The following RCOR2 variants were observed in gnomAD, a reference collection of about 807,000 sequenced individuals.
RCOR2 encodes REST corepressor 2.
In RCOR2, 19 loss-of-function variants were observed where a neutral mutation model predicts 58.9. The observed-to-expected ratio is 0.32, with a 90% confidence interval of 0.23 to 0.47. RCOR2 has a LOEUF of 0.47. RCOR2 is among the 20% of genes least tolerant of loss of function. The probability of loss-of-function intolerance (pLI) is 1.00; values close to 1 mark genes in which losing one functional copy is unlikely to be tolerated. For synonymous variants in RCOR2, 286 were observed against 278.7 expected, an observed-to-expected ratio of 1.03 and a Z score of -0.26; for missense variants, 590 against 707.9, an observed-to-expected ratio of 0.83 and a Z score of 1.89.
At chr11:63,923,269 G>A in the RCOR2 span, among the ~76,000 whole-genome samples, 1 of 151,184 alleles carries the variant, frequency 6.6e-6, no homozygotes, top group African/African-American at 2.4e-5. Flanking sequence ...CTCATCACAT[G>A]AACCTGCTTA....
rs1443385988 is a variant in RCOR2 at position 63,914,040 on chromosome 11, C to T, written c.805G>A (p.Gly269Ser). 6.2e-7 allele frequency: 1 copy of T among 1,613,708 alleles called. No individual in the cohort carries two copies. The highest frequency in any genetic ancestry group is 8.5e-7 in the Non-Finnish European group (1 of 1,179,980). The change falls in exon 8 of 12, where the codon GGC becomes AGC. Residue 269 changes from glycine (G) to serine (S), a missense_variant. By Grantham distance (56) the Gly-to-Ser change is moderately conservative. Around this residue, in one of 3 missense-constraint regions of RCOR2, gnomAD observed 390 missense variants for 478.7 expected, o/e 0.81. Coordinates refer to ENST00000301459, the MANE Select transcript of RCOR2 (RefSeq NM_173587.4). The stretch of plus-strand genomic sequence containing the variant: ...GGGCTTCCTGACACTGCCGTGAGGC[C>T]TTCAGGGCTCAGGTACATGCCCTTG... ...PPKGMYLSPE[G>S]LTAVSGSPDL...
intron 8 of RCOR2, among the ~76,000 whole-genome samples, chr11:63,913,514 ACT>A (rs1487250928): frequency 8.3e-5 from 5 of 60,024 alleles, no homozygotes; most frequent in Non-Finnish European, 1.7e-4. Context: ...ACGGAATCTC[ACT>A]CTGTCGCCCA....
chr11:63,912,044 G>A lies in RCOR2; in HGVS notation c.1393C>T (p.Arg465Ter), dbSNP rs1336274625. The change falls in exon 12 of 12, where the codon CGA becomes TGA. Residue 465 changes from arginine (R) to a stop codon, truncating the protein, a stop_gained. Transcript: ENST00000301459. LOFTEE classifies it high-confidence loss of function. ...PPLPTAPTLL[R>*]QPPPLQQGRF... ...CCCTGCTGCAGTGGGGGTGGCTGTC[G>A]GAGCAGAGTGGGAGCCGTGGGCAAA... is the stretch of plus-strand genomic sequence containing the variant. The A allele has an allele frequency of 3.4e-6, 5 of 1,483,880 alleles. No homozygotes were observed. Among genetic ancestry groups the A allele is most frequent in the Non-Finnish European group, 4.4e-6 (5 of 1,123,786 alleles). 91.9% of individuals were successfully genotyped at this position (1,483,880 alleles called of 1,614,324 possible). A position where few individuals can be genotyped will look rare whatever the true frequency, so the allele number is the denominator to read the frequency against.
chr11:63,923,306 AC>A, the RCOR2 span, among the ~76,000 whole-genome samples: 1 of 146,210 alleles, frequency 6.8e-6, no homozygotes, highest in Non-Finnish European at 1.5e-5. Context: ...ACACACACAC[AC>A]CCCTGCACCT....
At position 63,912,298 on chromosome 11, in the gene RCOR2, T is replaced by A. The variant is rs747861779; in HGVS notation, c.1257+7A>T. ...TCTCTGAGGGGTTTCTCTCACCCCC[T>A]TCTCACCTCATCATCTTCCTCTAGG... On this transcript the variant is annotated splice_region_variant and intron_variant, in intron 11 of 11. Coordinates refer to ENST00000301459, the MANE Select transcript of RCOR2 (RefSeq NM_173587.4). 2 of 1,609,958 alleles carry A rather than the reference T, an allele frequency of 1.2e-6. No individual in the cohort carries two copies. The highest frequency in any genetic ancestry group is 8.5e-7 in the Non-Finnish European group (1 of 1,176,884).
In RCOR2 at chr11:63,914,080, G is replaced by T; in HGVS notation, c.765C>A (p.Thr255=). 6.2e-7 allele frequency: 1 copy of T among 1,613,984 alleles called. No individual in the cohort carries two copies. The highest frequency in any genetic ancestry group is 8.5e-7 in the Non-Finnish European group (1 of 1,180,032). ...ACATGCCCTTGGGTGGGCGACGCCGGGTTCGCAAGGGATGGTGGCGGTACT... is the reference window on the plus strand; with the variant it reads ...ACATGCCCTTGGGTGGGCGACGCCGTGTTCGCAAGGGATGGTGGCGGTACT... ...VSQYRHHPLR[T]RRRPPKGMYL... is the part of the protein sequence containing the mutation. Residue 255 remains threonine, a synonymous_variant, in exon 8 of 12, where the codon ACC becomes ACA. Transcript: ENST00000301459.
At position 63,912,908 on chromosome 11, in the gene RCOR2, C is replaced by G. The variant is rs1273194920; in HGVS notation, c.931G>C (p.Ala311Pro). 6.2e-7 allele frequency: 1 copy of G among 1,613,546 alleles called. No homozygotes were observed. The highest frequency in any genetic ancestry group is 8.5e-7 in the Non-Finnish European group (1 of 1,179,884). Residue 311 changes from alanine (A) to proline (P), a missense_variant, in exon 9 of 12, where the codon GCC becomes CCC. Around this residue, in one of 3 missense-constraint regions of RCOR2, gnomAD observed 390 missense variants for 478.7 expected, o/e 0.81. Transcript: ENST00000301459. ...AGTGGATCAATACCGCCCTCCAGGG[C>G]TTGGCGCAGGCTGCTGTTCGTCTGC... ...MKQTNSSLRQALEGGIDPLRP... is the reference protein window; with the variant it reads ...MKQTNSSLRQPLEGGIDPLRP...
chr11:63,919,242 A>C (rs969200406), upstream of RCOR2, among the ~76,000 whole-genome samples: 1 of 151,830 alleles, frequency 6.6e-6, no homozygotes, highest in African/African-American at 2.4e-5. Context: ...CCCCTCATGG[A>C]GGGGCAAGGG....
chr11:63,912,800 G>A, intron 9 of RCOR2, 67 bp from the exon 10 acceptor site: 1 of 1,605,910 alleles, frequency 6.2e-7, no homozygotes, highest in Non-Finnish European at 8.5e-7. Context: ...TGCTCCCCAA[G>A]CAGTACTCTT....
At chr11:63,916,248 G>A in intron 1 of RCOR2, 82 bp downstream of exon 1, 2 of 1,245,096 alleles carry the variant, frequency 1.6e-6, no homozygotes, top group East Asian at 5.1e-5. Flanking sequence ...TAACAGGCTC[G>A]TGGTCTGCAA....
intron 1 of RCOR2, among the ~76,000 whole-genome samples, chr11:63,915,850 C>A (rs1354019252): frequency 1.3e-5 from 2 of 152,168 alleles, no homozygotes; most frequent in Non-Finnish European, 2.9e-5. Flanking sequence ...GACAAGGGGA[C>A]AGTTTTAGAG....
In RCOR2 at chr11:63,916,706, G is replaced by C. The variant is rs1021693138; in HGVS notation, c.-250C>G. The C allele has an allele frequency of 8.9e-6, 5 of 564,594 alleles. No individual in the cohort carries two copies. The highest frequency in any genetic ancestry group is 2.4e-5 in the South Asian group (1 of 42,542). 35.0% of individuals were successfully genotyped at this position (564,594 alleles called of 1,614,324 possible). A position where few individuals can be genotyped will look rare whatever the true frequency, so the allele number is the denominator to read the frequency against. On this transcript the variant is annotated 5_prime_UTR_variant, in exon 1 of 12. Transcript: ENST00000301459. ...GAAGTGGGGGACGCAAGGGATGAGC[G>C]CAAGGTCCGGTGCGGCTGGGGCGTG...
chr11:63,927,328 T>C, the RCOR2 span, among the ~76,000 whole-genome samples: 1 of 152,168 alleles, frequency 6.6e-6, no homozygotes, highest in Non-Finnish European at 1.5e-5. Context: ...TGGAGTGCAG[T>C]GGCAAGATCA....
Position 63,915,179 on chromosome 11 carries a change from C to T in RCOR2, c.264G>A (p.Lys88=), listed in dbSNP as rs1285067564. The T allele has an allele frequency of 6.4e-7, 1 of 1,551,310 alleles. No homozygotes were observed. Among genetic ancestry groups the T allele is most frequent in the Non-Finnish European group, 8.7e-7 (1 of 1,146,796 alleles). The change falls in exon 3 of 12, where the codon AAG becomes AAA. Residue 88 remains lysine, a splice_region_variant and synonymous_variant. Transcript: ENST00000301459. ...CTCCCAGGGCTGTGCCCCACTCACG[C>T]TTGGCATCTGACACACAGTGGTTGG... The part of the protein sequence containing the change: ...WSPNHCVSDA[K]LDKYIAMAKE...
chr11:63,913,738 C>T (rs1202652213), intron 8 of RCOR2, among the ~76,000 whole-genome samples: 1 of 152,094 alleles, frequency 6.6e-6, no homozygotes, highest in Non-Finnish European at 1.5e-5. Context: ...GGCCTCAGTC[C>T]CCCGGAATGC....
Position 63,911,332 on chromosome 11 carries a change from G to C in RCOR2, c.*533C>G, listed in dbSNP as rs1941745951. On this transcript the variant is annotated 3_prime_UTR_variant, in exon 12 of 12. Transcript: ENST00000301459. ...CTCCAAGTTTCTGGAAGGTGGGCTT[G>C]GTGGGCACCCTCAGCTCCTTAGCAT... 1 of 152,392 alleles carries C rather than the reference G, an allele frequency of 6.6e-6. No homozygotes were observed. The highest frequency in any genetic ancestry group is 1.5e-5 in the Non-Finnish European group (1 of 68,180). 9.4% of individuals were successfully genotyped at this position (152,392 alleles called of 1,614,324 possible). A position where few individuals can be genotyped will look rare whatever the true frequency, so the allele number is the denominator to read the frequency against.
At chr11:63,923,814 T>G in the RCOR2 span, among the ~76,000 whole-genome samples, 5 of 152,316 alleles carry the variant, frequency 3.3e-5, no homozygotes, top group African/African-American at 1.2e-4. Flanking sequence ...CAGCATCACT[T>G]GCTGTCCCCC....
At chr11:63,913,712 C>T (rs1941813495) in intron 8 of RCOR2, among the ~76,000 whole-genome samples, 1 of 152,082 alleles carries the variant, frequency 6.6e-6, no homozygotes. Context: ...GAACTGTGTA[C>T]CTCAGGTGAT....
At chr11:63,920,352 C>G (rs1941908097), upstream of RCOR2, among the ~76,000 whole-genome samples, 1 of 152,234 alleles carries the variant, frequency 6.6e-6, no homozygotes, top group African/African-American at 2.4e-5. Flanking sequence ...CTTGGGCAAG[C>G]CATCCGGCCT....
Sources: gnomAD v4.1 joint callset for allele counts (sites outside exome capture counted in the v4.1 genomes callset) on GRCh38, gnomAD v4.1.1 for gene constraint, gnomAD v4.1.1 regional missense constraint, MANE v1.5 for transcripts, NCBI Gene and HGNC (gene_info 2026-07-23, HGNC 2026-07-21) for gene names.